HNF4G: variants seen among roughly 807,000 people sequenced by gnomAD.
The protein encoded by HNF4G is hepatocyte nuclear factor 4-gamma.
A neutral mutation model predicts 50.9 loss-of-function variants in HNF4G; 21 were observed. The observed-to-expected ratio is 0.41, with a 90% CI of 0.29 to 0.59. HNF4G has a LOEUF of 0.59. Among genes scored for constraint, HNF4G ranks in the 20% least tolerant of loss-of-function variants. HNF4G has a pLI of 0.26. For missense variants in HNF4G, 527 were observed against 559.4 expected, an observed-to-expected ratio of 0.94 and a Z score of 0.58; for synonymous variants, 198 against 185.6, an observed-to-expected ratio of 1.07 and a Z score of -0.54.
rs201977040 is a variant in HNF4G, at chr8:75,449,932, GC to G, written c.-143-40151del. 3.3e-3 allele frequency among the ~76,000 whole-genome samples: 504 copies of G among 152,178 alleles called. 4 individuals carry two copies. Among genetic ancestry groups the G allele is most frequent in the Middle Eastern group, 0.01 (3 of 294 alleles). On this transcript the variant is annotated intron_variant, in intron 1 of 10. Transcript: ENST00000354370. Reference sequence around the variant, plus strand: ...GTACAACATATTGTTACTAACTATAGCCCCCCGATGTATGTATATTCTTCCT... The same window carrying G: ...GTACAACATATTGTTACTAACTATAGCCCCCGATGTATGTATATTCTTCCT...
At position 75,475,330 on chromosome 8, in the gene HNF4G, C is replaced by A. The variant is rs1012679806; in HGVS notation, c.-143-14759C>A. ...GCCAAATAATTATTTTTTAAAAAAA[C>A]CATGGCTTAAGTTATTTATTTTTAA... On this transcript the variant is annotated intron_variant, in intron 1 of 10. Coordinates refer to the HNF4G transcript ENST00000354370. Among the ~76,000 whole-genome samples, 7 of 152,276 alleles carry A rather than the reference C, an allele frequency of 4.6e-5. No individual in the cohort carries two copies. In the East Asian group the frequency reaches 1.2e-3, roughly 25 times the overall value.
chr8:75,478,103 G>A (rs1273307627), intron 1 of HNF4G, among the ~76,000 whole-genome samples: 1 of 152,200 alleles, frequency 6.6e-6, no homozygotes, highest in Non-Finnish European at 1.5e-5. Flanking sequence ...CCTGAGCTCA[G>A]GAGATCGAGA....
chr8:75,527,767 T>C (rs576194935), intron 2 of HNF4G, among the ~76,000 whole-genome samples: 2 of 152,238 alleles, frequency 1.3e-5, no homozygotes, highest in Non-Finnish European at 2.9e-5. Context: ...AATGTAGATA[T>C]ATGAGATCTT....
At chr8:75,480,721 CTT>C (rs1336807468) in intron 1 of HNF4G, among the ~76,000 whole-genome samples, 4 of 122,428 alleles carry the variant, frequency 3.3e-5, no homozygotes, top group Non-Finnish European at 3.3e-5. Flanking sequence ...CTTTTTCTTT[CTT>C]TTTTTTTTTT....
intron 2 of HNF4G, among the ~76,000 whole-genome samples, chr8:75,507,799 A>G (rs1318951309): frequency 6.6e-6 from 1 of 152,180 alleles, no homozygotes; most frequent in Admixed American, 6.5e-5. Context: ...GTGTTTCAGA[A>G]TAATTCTAAG....
intron 1 of HNF4G, among the ~76,000 whole-genome samples, chr8:75,417,255 G>A (rs1382834046): frequency 2.0e-5 from 3 of 152,172 alleles, no homozygotes; most frequent in African/African-American, 7.2e-5. Context: ...CAAACTCCTG[G>A]CGACAAGTCA....
chr8:75,500,581 T>C (rs1286872197), intron 2 of HNF4G, among the ~76,000 whole-genome samples: 1 of 152,160 alleles, frequency 6.6e-6, no homozygotes, highest in Admixed American at 6.5e-5. Flanking sequence ...GTCTATAGCA[T>C]TGTTCATAAA....
chr8:75,540,733 G>C (rs1793881520), intron 1 of HNF4G, among the ~76,000 whole-genome samples: 1 of 151,884 alleles, frequency 6.6e-6, no homozygotes, highest in Non-Finnish European at 1.5e-5. Context: ...ATGTAATACA[G>C]CTTACTATTG....
chr8:75,411,756 G>A (rs1217095634), intron 1 of HNF4G, among the ~76,000 whole-genome samples: 1 of 152,136 alleles, frequency 6.6e-6, no homozygotes, highest in Admixed American at 6.6e-5. Context: ...AGATGGCAAG[G>A]TTTACATCCC....
chr8:75,468,755 T>C (rs1188629069), intron 1 of HNF4G, among the ~76,000 whole-genome samples: 1 of 152,176 alleles, frequency 6.6e-6, no homozygotes, highest in Admixed American at 6.5e-5. Context: ...TCAATGTTTT[T>C]CCCTTTCCCT....
intron 2 of HNF4G, among the ~76,000 whole-genome samples, chr8:75,517,883 T>G (rs1805935170): frequency 1.3e-5 from 2 of 151,994 alleles, no homozygotes; most frequent in African/African-American, 4.8e-5. Context: ...TAGCAGAAGT[T>G]CTCCATGAGG....
intron 1 of HNF4G, among the ~76,000 whole-genome samples, chr8:75,458,411 T>C (rs1811773258): frequency 6.6e-6 from 1 of 150,424 alleles, no homozygotes; most frequent in Non-Finnish European, 1.5e-5. Context: ...GAAGAATAGT[T>C]GTCAAAATGA....
chr8:75,458,966 A>G (rs1321170783), intron 1 of HNF4G, among the ~76,000 whole-genome samples: 2 of 152,126 alleles, frequency 1.3e-5, no homozygotes, highest in Non-Finnish European at 2.9e-5. Flanking sequence ...ATCTCAGGCA[A>G]TAAAGATTAT....
intron 1 of HNF4G, among the ~76,000 whole-genome samples, chr8:75,431,256 C>A (rs1347906264): frequency 6.6e-6 from 1 of 151,816 alleles, no homozygotes; most frequent in Non-Finnish European, 1.5e-5. Context: ...AATTGGAGAG[C>A]CAGAATGAAG....
At chr8:75,436,294 A>C (rs1811134420) in intron 1 of HNF4G, among the ~76,000 whole-genome samples, 1 of 152,224 alleles carries the variant, frequency 6.6e-6, no homozygotes, top group South Asian at 2.1e-4. Flanking sequence ...AGCTCATCTG[A>C]ACATTTATGT....
upstream of HNF4G, among the ~76,000 whole-genome samples, chr8:75,536,635 T>G (rs1013777138): frequency 6.6e-6 from 1 of 152,098 alleles, no homozygotes; most frequent in African/African-American, 2.4e-5. Context: ...GTATCTAAGG[T>G]TTATGCAACT....
chr8:75,493,512 G>A (rs1313079259), intron 2 of HNF4G, among the ~76,000 whole-genome samples: 2 of 151,936 alleles, frequency 1.3e-5, no homozygotes, highest in South Asian at 2.1e-4. Flanking sequence ...ACTTGGTATT[G>A]TAATTGAAAA....
chr8:75,413,324 G>A (rs1311345818), intron 1 of HNF4G, among the ~76,000 whole-genome samples: 1 of 130,166 alleles, frequency 7.7e-6, no homozygotes, highest in Non-Finnish European at 1.6e-5. Flanking sequence ...GGAAGGGGAG[G>A]GGAAGGGAGG....
intron 3 of HNF4G, among the ~76,000 whole-genome samples, chr8:75,550,920 C>G (rs899844365): frequency 6.6e-5 from 10 of 152,204 alleles, no homozygotes; most frequent in Admixed American, 2.0e-4. Context: ...ATCCTAAAAT[C>G]ATCATAACTA....
Sources: gnomAD v4.1 joint callset for allele counts (sites outside exome capture counted in the v4.1 genomes callset) on GRCh38, gnomAD v4.1.1 for gene constraint, MANE v1.5 for transcripts, NCBI Gene and HGNC (gene_info 2026-07-23, HGNC 2026-07-21) for gene names.